The following PRKG1 variants were observed in gnomAD, a reference collection of about 807,000 sequenced individuals.
PRKG1 encodes cGMP-dependent protein kinase 1.
Under a neutral mutation model 88.1 loss-of-function variants are expected in PRKG1, and 35 were observed. The ratio of observed to expected loss-of-function variants is 0.40; its 90% CI spans 0.30 to 0.53. PRKG1 has a LOEUF of 0.53. PRKG1 is among the 20% of genes least tolerant of loss of function. The pLI is 0.59. For missense variants in PRKG1, 540 were observed against 839.8 expected (o/e 0.64, Z 4.41); for synonymous variants, 303 against 292.5 (o/e 1.04, Z -0.37).
chr10:51,753,898 T>C (rs911779314), intron 3 of PRKG1, among the ~76,000 whole-genome samples: 8 of 152,166 alleles, frequency 5.3e-5, no homozygotes, highest in Admixed American at 2.0e-4. Flanking sequence ...AACATTCTTT[T>C]TGTTTTTTAA....
chr10:51,289,593 C>T (rs1184704166), intron 2 of PRKG1, among the ~76,000 whole-genome samples: 6 of 151,894 alleles, frequency 4.0e-5, no homozygotes, highest in Admixed American at 3.9e-4. Context: ...GCAGAGTCAC[C>T]TAGGATACTT....
At position 50,991,528 on chromosome 10, in the gene PRKG1, C is replaced by G; in HGVS notation, c.150C>G (p.Pro50=). ...AATGCCAGTCGGTGCTCCCAGTGCC[C>G]TCGACCCACATCGGCCCCCGGACCA... The change falls in exon 1 of 18, where the codon CCC becomes CCG. Residue 50 remains proline (P), a synonymous_variant. Transcript: ENST00000401604. The surrounding 1 kb of genome is among the most constrained non-coding windows in gnomAD (Gnocchi z 4.5). 6.2e-7 allele frequency: 1 copy of G among 1,611,086 alleles called. No individual in the cohort carries two copies. The highest frequency in any genetic ancestry group is 8.5e-7 in the Non-Finnish European group (1 of 1,178,926).
chr10:51,718,679 C>A (rs1169944959), intron 3 of PRKG1, among the ~76,000 whole-genome samples: 2 of 151,944 alleles, frequency 1.3e-5, no homozygotes, highest in African/African-American at 4.8e-5. Context: ...AACTCCTAGG[C>A]AAACATCATA....
chr10:51,744,896 G>T (rs1417732447), intron 3 of PRKG1, among the ~76,000 whole-genome samples: 1 of 152,142 alleles, frequency 6.6e-6, no homozygotes. Context: ...GAAATAATTG[G>T]AAATGAGCTC....
intron 2 of PRKG1, among the ~76,000 whole-genome samples, chr10:51,293,523 G>A (rs980653060): frequency 6.6e-6 from 1 of 152,022 alleles, no homozygotes; most frequent in South Asian, 2.1e-4. Context: ...TGTCCTCCAG[G>A]TTCATCTTTG....
At chr10:51,348,131 A>G (rs907490987) in intron 2 of PRKG1, among the ~76,000 whole-genome samples, 1 of 152,138 alleles carries the variant, frequency 6.6e-6, no homozygotes, top group Non-Finnish European at 1.5e-5. Context: ...AAGAGAAAGT[A>G]ATGCTAAATC....
intron 5 of PRKG1, among the ~76,000 whole-genome samples, chr10:52,001,482 CTT>C (rs1214035610): frequency 6.6e-6 from 1 of 151,718 alleles, no homozygotes; most frequent in Non-Finnish European, 1.5e-5. Context: ...ACATATACAA[CTT>C]TTTTTGTCAG....
rs548137032 is a variant in PRKG1, at chr10:51,129,464, GAA to G, written c.312-23690_312-23689del. Among the ~76,000 whole-genome samples the G allele has an allele frequency of 2.0e-3, 273 of 137,064 alleles. 1 individual carries two copies. The highest frequency in any genetic ancestry group is 6.9e-3 in the African/African-American group (264 of 38,008). The allele number at this position is 137,064 out of a possible 152,430, so 89.9% of individuals were successfully genotyped here. On this transcript the variant is annotated intron_variant, in intron 1 of 17. Coordinates refer to ENST00000373980, the MANE Select transcript of PRKG1 (RefSeq NM_006258.4). ...CGTCTCAAATAAATAAATAAACAAA[GAA>G]AAAAAAAAAGAAAAAGAAAACATAA...
chr10:50,995,773 T>C (rs1842830972), intron 1 of PRKG1, among the ~76,000 whole-genome samples: 1 of 152,228 alleles, frequency 6.6e-6, no homozygotes, highest in South Asian at 2.1e-4. Flanking sequence ...CTAGAATCAA[T>C]ATTAATCTGT....
chr10:51,266,103 C>A (rs767408383), intron 2 of PRKG1, among the ~76,000 whole-genome samples: 1 of 152,040 alleles, frequency 6.6e-6, no homozygotes, highest in African/African-American at 2.4e-5. Flanking sequence ...GTATGTGGAC[C>A]ACAGTTAGGG....
At chr10:51,977,119 C>G (rs1323972664) in intron 5 of PRKG1, among the ~76,000 whole-genome samples, 3 of 151,970 alleles carry the variant, frequency 2.0e-5, no homozygotes, top group African/African-American at 7.2e-5. Flanking sequence ...TACCTCCAAC[C>G]ACCCACAACT....
At chr10:52,166,787 C>CTATATATATATATATATATATATG (rs201538311) in intron 9 of PRKG1, among the ~76,000 whole-genome samples, 2 of 12,446 alleles carry the variant, frequency 1.6e-4, no homozygotes, top group Non-Finnish European at 1.9e-3. Flanking sequence ...ATAAAAAAGC[C>CTATATATATATATATATATATATG]TATATATATA....
chr10:51,622,148 C>T (rs1839226025), intron 3 of PRKG1, among the ~76,000 whole-genome samples: 1 of 152,192 alleles, frequency 6.6e-6, no homozygotes, highest in South Asian at 2.1e-4. Context: ...AGAAAATCCA[C>T]TCATAAGCAT....
chr10:52,172,676 G>A (rs1838737361), intron 9 of PRKG1, among the ~76,000 whole-genome samples: 1 of 152,194 alleles, frequency 6.6e-6, no homozygotes, highest in Non-Finnish European at 1.5e-5. Flanking sequence ...TTATTGGAGT[G>A]AATATAGCAT....
chr10:51,008,332 C>A (rs1842960725), intron 1 of PRKG1, among the ~76,000 whole-genome samples: 1 of 152,128 alleles, frequency 6.6e-6, no homozygotes. Context: ...GCATTCATTT[C>A]TTAGTTCTGC....
chr10:52,188,426 GGA>G (rs1349251294), intron 9 of PRKG1, among the ~76,000 whole-genome samples: 8 of 150,204 alleles, frequency 5.3e-5, no homozygotes, highest in Admixed American at 1.3e-4. Context: ...ATAGCTCATT[GGA>G]GCCTCAACTA....
chr10:51,932,926 C>T (rs187021806), intron 5 of PRKG1, among the ~76,000 whole-genome samples: 15 of 152,216 alleles, frequency 9.9e-5, no homozygotes, highest in Admixed American at 7.9e-4. Flanking sequence ...TAATCAGTCC[C>T]TAAAGTGTTT....
intron 1 of PRKG1, among the ~76,000 whole-genome samples, chr10:51,016,696 A>C (rs1409616191): frequency 3.6e-4 from 3 of 8,438 alleles, no homozygotes; most frequent in African/African-American, 1.2e-3. Context: ...TTTTTTTGGA[A>C]TCTTGCTCTG....
rs1441567845 is a variant in PRKG1, at chr10:52,068,158, G to A, written c.935+5527G>A. On this transcript the variant is annotated intron_variant, in intron 7 of 17. Transcript: ENST00000373980. ...GCGGAGCTTGCAGTGAGTCGAGATCGCGCCACTGCACTCCAGCCTGGGCGA... is the reference window on the plus strand; with the variant it reads ...GCGGAGCTTGCAGTGAGTCGAGATCACGCCACTGCACTCCAGCCTGGGCGA... Among the ~76,000 whole-genome samples, 40 of 93,168 alleles carry A rather than the reference G, an allele frequency of 4.3e-4. 4 individuals carry two copies. The East Asian group carries it at 8.8e-3, about 21-fold the overall frequency. 61.1% of individuals were successfully genotyped at this position (93,168 alleles called of 152,430 possible).
Sources: gnomAD v4.1 joint callset for allele counts (sites outside exome capture counted in the v4.1 genomes callset) on GRCh38, gnomAD v4.1.1 for gene constraint, Gnocchi (gnomAD v3.1) non-coding constraint, MANE v1.5 for transcripts, NCBI Gene and HGNC (gene_info 2026-07-23, HGNC 2026-07-21) for gene names.